Variants in NUBPL observed in about 807,000 individuals in gnomAD.
NUBPL encodes the protein NUBP iron-sulfur cluster assembly factor, mitochondrial, also known as iron-sulfur cluster transfer protein NUBPL.
Under a neutral mutation model 45.7 loss-of-function variants are expected in NUBPL, and 31 were observed. That is an observed-to-expected ratio of 0.68 (90% CI 0.51 to 0.92). The LOEUF (loss-of-function observed/expected upper bound fraction) is 0.92, where lower values mean the gene tolerates loss of function less well. NUBPL is among the 40% of genes least tolerant of loss of function. The pLI is 0.00. For missense variants in NUBPL, 401 were observed against 398.7 expected (o/e 1.01, Z -0.05); for synonymous variants, 144 against 140.9 (o/e 1.02, Z -0.15).
At chr14:31,592,614 A>T (rs751990404) in intron 3 of NUBPL, among the ~76,000 whole-genome samples, 92 of 136,096 alleles carry the variant, frequency 6.8e-4, no homozygotes, top group East Asian at 1.6e-3. Flanking sequence ...ATGTTTTTTT[A>T]AAAAAAAATC....
At chr14:31,814,152 A>C (rs990516824) in intron 7 of NUBPL, among the ~76,000 whole-genome samples, 1 of 152,228 alleles carries the variant, frequency 6.6e-6, no homozygotes, top group Non-Finnish European at 1.5e-5. Context: ...TCCCACCAAC[A>C]GTGTAAAAGC....
chr14:31,704,949 G>A (rs1339023076), intron 6 of NUBPL, among the ~76,000 whole-genome samples: 10 of 152,140 alleles, frequency 6.6e-5, no homozygotes, highest in Admixed American at 3.3e-4. Context: ...AGATGTGTCC[G>A]GAGTTTCTTC....
intron 3 of NUBPL, among the ~76,000 whole-genome samples, chr14:31,596,678 C>T (rs1241173490): frequency 3.3e-5 from 5 of 152,112 alleles, no homozygotes; most frequent in African/African-American, 7.2e-5. Flanking sequence ...GGAGTTAGAT[C>T]GTGTTAAAGT....
In NUBPL at chr14:31,708,710, A is replaced by T. The variant is rs185831854; in HGVS notation, c.513+35136A>T. 2.6e-3 allele frequency among the ~76,000 whole-genome samples: 390 copies of T among 152,238 alleles called. 1 individual carries two copies. The highest frequency in any genetic ancestry group is 8.6e-3 in the African/African-American group (357 of 41,532). ...GAGGAAGTCAATTTCCTGGCCCTCA[A>T]TGGTTAAAGGTACCTGGGGCTGAGT... On this transcript the variant is annotated intron_variant, in intron 6 of 10. Coordinates refer to ENST00000281081, the MANE Select transcript of NUBPL (RefSeq NM_025152.3).
intron 6 of NUBPL, among the ~76,000 whole-genome samples, chr14:31,696,474 T>C (rs190905542): frequency 1.1e-3 from 172 of 152,326 alleles, no homozygotes; most frequent in African/African-American, 4.1e-3. Context: ...TTACATGGCC[T>C]TCTTCCTTAG....
At chr14:31,650,377 C>G (rs1349568481) in intron 4 of NUBPL, among the ~76,000 whole-genome samples, 1 of 150,472 alleles carries the variant, frequency 6.6e-6, no homozygotes, top group African/African-American at 2.5e-5. Context: ...GCAAGCTCCG[C>G]CTCCCAGGTT....
At chr14:31,778,502 C>T (rs978021761) in intron 6 of NUBPL, among the ~76,000 whole-genome samples, 16 of 152,186 alleles carry the variant, frequency 1.1e-4, no homozygotes, top group Admixed American at 1.3e-4. Flanking sequence ...TGGTCTGTTC[C>T]ACCACCCCAG....
rs191701462 is a variant in NUBPL at position 31,729,009 on chromosome 14, G to A, written c.513+55435G>A. Reference sequence around the variant, plus strand: ...TTATTCAACAAGTACGGCTGGGCACGGTGGCTCACGCCTGTAATCCCAGTG... The same window carrying A: ...TTATTCAACAAGTACGGCTGGGCACAGTGGCTCACGCCTGTAATCCCAGTG... On this transcript the variant is annotated intron_variant, in intron 6 of 10. Transcript: ENST00000281081. 3.0e-3 allele frequency among the ~76,000 whole-genome samples: 454 copies of A among 152,240 alleles called. 13 individuals are homozygous for A. The highest frequency in any genetic ancestry group is 2.5e-3 in the Non-Finnish European group (167 of 68,020).
At chr14:31,633,377 G>A (rs1410218970) in intron 4 of NUBPL, among the ~76,000 whole-genome samples, 2 of 152,262 alleles carry the variant, frequency 1.3e-5, no homozygotes, top group African/African-American at 2.4e-5. Context: ...ACATATTTGA[G>A]CATTTTAATA....
chr14:31,734,959 A>ACTCTGT, intron 6 of NUBPL, among the ~76,000 whole-genome samples: 2 of 152,122 alleles, frequency 1.3e-5, no homozygotes, highest in African/African-American at 4.8e-5. Context: ...TACCATGCTA[A>ACTCTGT]CTCTAGGCCC....
At chr14:31,664,933 G>C (rs1325028319) in intron 4 of NUBPL, among the ~76,000 whole-genome samples, 1 of 151,360 alleles carries the variant, frequency 6.6e-6, no homozygotes, top group Non-Finnish European at 1.5e-5. Flanking sequence ...GGTCTATTCA[G>C]GTATTAGTTT....
At chr14:31,790,046 A>G (rs569167396) in intron 7 of NUBPL, among the ~76,000 whole-genome samples, 3 of 152,336 alleles carry the variant, frequency 2.0e-5, no homozygotes, top group Non-Finnish European at 2.9e-5. Context: ...GCAAGCATAC[A>G]AAATACTTGC....
At chr14:31,793,828 C>CTTTT (rs55698198) in intron 7 of NUBPL, among the ~76,000 whole-genome samples, 53,863 of 127,290 alleles carry the variant, frequency 0.42, 12,212 homozygotes, top group East Asian at 0.57. Context: ...CCTTATCTTT[C>CTTTT]TTTTTTTTTT....
At chr14:31,759,264 A>G (rs1025319342) in intron 6 of NUBPL, among the ~76,000 whole-genome samples, 1 of 152,032 alleles carries the variant, frequency 6.6e-6, no homozygotes, top group African/African-American at 2.4e-5. Context: ...TGTAGAAAAC[A>G]CTATGAGATT....
chr14:31,735,649 C>T (rs1595560810), intron 6 of NUBPL, among the ~76,000 whole-genome samples: 2 of 151,748 alleles, frequency 1.3e-5, no homozygotes, highest in South Asian at 2.1e-4. Context: ...GCCAGGAGTT[C>T]GAGACCAGCC....
At chr14:31,695,942 A>C (rs557434109) in intron 6 of NUBPL, among the ~76,000 whole-genome samples, 33 of 152,350 alleles carry the variant, frequency 2.2e-4, no homozygotes, top group African/African-American at 6.0e-4. Context: ...AGGTATAGAG[A>C]CACTTTTCAC....
At chr14:31,661,619 G>A (rs905461412) in intron 4 of NUBPL, among the ~76,000 whole-genome samples, 13 of 152,272 alleles carry the variant, frequency 8.5e-5, no homozygotes, top group African/African-American at 3.1e-4. Flanking sequence ...TTGGCTCACG[G>A]CAACCTCTGC....
chr14:31,821,626 A>T (rs955518749), intron 7 of NUBPL, among the ~76,000 whole-genome samples: 10 of 152,252 alleles, frequency 6.6e-5, no homozygotes, highest in Admixed American at 5.9e-4. Context: ...AACAGTTTCG[A>T]GGTTCCTCAA....
intron 6 of NUBPL, among the ~76,000 whole-genome samples, chr14:31,744,617 CTTTTTTTTTTTTT>C (rs34367142): frequency 8.7e-5 from 9 of 103,922 alleles, no homozygotes; most frequent in Non-Finnish European, 1.5e-4. Flanking sequence ...TTTGTAGAAT[CTTTTTTTTTTTTT>C]TTTTTTTTTG....
Sources: gnomAD v4.1 joint callset for allele counts (sites outside exome capture counted in the v4.1 genomes callset) on GRCh38, gnomAD v4.1.1 for gene constraint, MANE v1.5 for transcripts, NCBI Gene and HGNC (gene_info 2026-07-23, HGNC 2026-07-21) for gene names.